The following WSCD2 variants were observed in gnomAD, a reference collection of about 807,000 sequenced individuals.
WSCD2 encodes sialate:O-sulfotransferase 2.
Under a neutral mutation model 55.7 loss-of-function variants are expected in WSCD2, and 28 were observed. The ratio of observed to expected loss-of-function variants is 0.50; its 90% CI spans 0.37 to 0.69. The LOEUF (loss-of-function observed/expected upper bound fraction) is 0.69. Ranked by LOEUF, WSCD2 falls within the 30% of genes least tolerant of loss-of-function variation. The probability of loss-of-function intolerance (pLI) is 0.00; values close to 1 mark genes in which losing one functional copy is unlikely to be tolerated. For synonymous variants in WSCD2, 301 were observed against 301.9 expected (o/e 1.00, Z 0.03); for missense variants, 616 against 762.1 (o/e 0.81, Z 2.26).
chr12:108,165,064 T>C (rs2136950887), intron 1 of WSCD2, among the ~76,000 whole-genome samples: 1 of 152,330 alleles, frequency 6.6e-6, no homozygotes, highest in Non-Finnish European at 1.5e-5. Flanking sequence ...CAGGCTTAAA[T>C]CTGTCTCCCT....
chr12:108,180,335 C>T (rs1431744674), intron 1 of WSCD2, among the ~76,000 whole-genome samples: 2 of 152,192 alleles, frequency 1.3e-5, no homozygotes, highest in Non-Finnish European at 2.9e-5. Flanking sequence ...ATTTGGCTCC[C>T]ACTGATTAGA....
chr12:108,154,706 T>G (rs758575001), intron 1 of WSCD2, among the ~76,000 whole-genome samples: 1 of 152,200 alleles, frequency 6.6e-6, no homozygotes, highest in Non-Finnish European at 1.5e-5. Flanking sequence ...ATCACCTCCA[T>G]TAACATTTCT....
chr12:108,224,200 G>A (rs2137158652), intron 4 of WSCD2, among the ~76,000 whole-genome samples: 1 of 152,234 alleles, frequency 6.6e-6, no homozygotes, highest in East Asian at 1.9e-4. Context: ...CAGCTTGTCG[G>A]TGCCCAATAC....
intron 1 of WSCD2, among the ~76,000 whole-genome samples, chr12:108,172,035 T>G (rs989634848): frequency 1.3e-5 from 2 of 151,990 alleles, no homozygotes; most frequent in African/African-American, 4.8e-5. Flanking sequence ...TTGTTGAGAG[T>G]TAATATATGA....
intron 8 of WSCD2, among the ~76,000 whole-genome samples, chr12:108,243,456 C>G (rs954913303): frequency 1.3e-5 from 2 of 152,180 alleles, no homozygotes; most frequent in Admixed American, 6.5e-5. Context: ...CCAGGATGGT[C>G]TCAATCTGAC....
chr12:108,160,851 C>G (rs1234404880), intron 1 of WSCD2, among the ~76,000 whole-genome samples: 1 of 152,220 alleles, frequency 6.6e-6, no homozygotes, highest in Non-Finnish European at 1.5e-5. Context: ...ACTCAGGAGG[C>G]AGGTGCCTGC....
At chr12:108,233,079 T>C in intron 7 of WSCD2, 184 bp downstream of exon 7, 1 of 717,772 alleles carries the variant, frequency 1.4e-6, no homozygotes, top group East Asian at 2.8e-5. Context: ...CCCACAAACA[T>C]TTCTTAAGTC....
In WSCD2 at chr12:108,195,959, C is replaced by A. The variant is rs759045465; in HGVS notation, c.127C>A (p.Pro43Thr). The change falls in exon 2 of 9, where the codon CCC (proline) becomes ACC (threonine). Residue 43 changes from proline to threonine, a missense_variant. This residue lies in a region of WSCD2 where 374 missense variants were observed against 467.4 expected (regional missense o/e 0.80). Coordinates refer to ENST00000547525, the MANE Select transcript of WSCD2 (RefSeq NM_014653.4). Reference sequence around the variant, plus strand: ...CCTTCACTCTGGCTTTGTGGGCCAGCCCGCTGTCTCGGGGAACCAGGCGAA... The same window carrying A: ...CCTTCACTCTGGCTTTGTGGGCCAGACCGCTGTCTCGGGGAACCAGGCGAA... ...VFLHSGFVGQPAVSGNQANPA... is the reference protein window; with the variant it reads ...VFLHSGFVGQTAVSGNQANPA... The A allele has an allele frequency of 3.7e-6, 6 of 1,614,094 alleles. No individual in the cohort carries two copies. In the East Asian group the frequency reaches 1.1e-4, roughly 30 times the overall value.
rs148609265 is a variant in WSCD2, at chr12:108,155,395, T to C, written c.-552+25469T>C. ...TCTCAGCAGGGAGACAAAATTTTAT[T>C]CAGCCATGTGTGTCTTATTAAGCCT... On this transcript the variant is annotated intron_variant, in intron 1 of 8. Transcript: ENST00000547525. Among the ~76,000 whole-genome samples, 293 of 152,342 alleles carry C rather than the reference T, an allele frequency of 1.9e-3. 1 individual carries two copies. Among genetic ancestry groups the C allele is most frequent in the African/African-American group, 6.4e-3 (267 of 41,574 alleles).
At chr12:108,148,965 G>A (rs963586779) in intron 1 of WSCD2, among the ~76,000 whole-genome samples, 8 of 152,130 alleles carry the variant, frequency 5.3e-5, no homozygotes, top group African/African-American at 1.9e-4. Context: ...TCAAGGTGGG[G>A]GTCAAGGAGA....
chr12:108,186,088 C>G (rs372407062), intron 1 of WSCD2, among the ~76,000 whole-genome samples: 1 of 152,182 alleles, frequency 6.6e-6, no homozygotes, highest in South Asian at 2.1e-4. Flanking sequence ...AATCCCCTGA[C>G]CCTTCCTGCA....
intron 1 of WSCD2, among the ~76,000 whole-genome samples, chr12:108,133,163 GCATTGCACA>G (rs1331312613): frequency 6.6e-6 from 1 of 152,110 alleles, no homozygotes; most frequent in Non-Finnish European, 1.5e-5. Flanking sequence ...CCTCTGTGTA[GCATTGCACA>G]CTTGAGCGTA....
chr12:108,166,761 T>TTTCTCTTTCTTTCTTTCTTTCTTTC (rs10680980), intron 1 of WSCD2, among the ~76,000 whole-genome samples: 2 of 124,820 alleles, frequency 1.6e-5, no homozygotes, highest in African/African-American at 6.1e-5. Context: ...TCTTTCTTTC[T>TTTCTCTTTCTTTCTTTCTTTCTTTC]TTTCTTTCTT....
At chr12:108,133,850 T>C (rs1400808435) in intron 1 of WSCD2, among the ~76,000 whole-genome samples, 1 of 152,238 alleles carries the variant, frequency 6.6e-6, no homozygotes, top group Non-Finnish European at 1.5e-5. Flanking sequence ...AGCACAGGTA[T>C]AATTTTAGGC....
intron 1 of WSCD2, among the ~76,000 whole-genome samples, chr12:108,144,245 A>G (rs1469674609): frequency 6.6e-6 from 1 of 152,096 alleles, no homozygotes; most frequent in Non-Finnish European, 1.5e-5. Context: ...CTCAAAAGAC[A>G]CACCGGCCCA....
chr12:108,130,317 G>C (rs1391496066), intron 1 of WSCD2, among the ~76,000 whole-genome samples: 1 of 152,182 alleles, frequency 6.6e-6, no homozygotes, highest in Non-Finnish European at 1.5e-5. Flanking sequence ...CCAAGGGAGA[G>C]GGAGCTAGTC....
chr12:108,225,391 C>T (rs1276169838), intron 5 of WSCD2, among the ~76,000 whole-genome samples: 1 of 152,176 alleles, frequency 6.6e-6, no homozygotes, highest in Non-Finnish European at 1.5e-5. Context: ...AGTTACCTCC[C>T]ACCAGGTCCT....
Position 108,137,472 on chromosome 12 carries a change from T to C in WSCD2, c.-552+7546T>C, listed in dbSNP as rs555922521. Among the ~76,000 whole-genome samples the C allele has an allele frequency of 2.0e-4, 31 of 152,314 alleles. No homozygotes were observed. The South Asian group carries it at 3.1e-3, about 15-fold the overall frequency. On this transcript the variant is annotated intron_variant, in intron 1 of 8. Transcript: ENST00000547525. ...ACATAGAGGAAGCAAGTGATGAGACTGTAGAATGGTAGAGAGTGCACAGTG... is the reference window on the plus strand; with the variant it reads ...ACATAGAGGAAGCAAGTGATGAGACCGTAGAATGGTAGAGAGTGCACAGTG...
chr12:108,161,527 A>G (rs1879055117), intron 1 of WSCD2, among the ~76,000 whole-genome samples: 1 of 152,194 alleles, frequency 6.6e-6, no homozygotes, highest in Non-Finnish European at 1.5e-5. Context: ...GCAAACCACC[A>G]GAAGCTTCAA....
Sources: allele counts gnomAD v4.1 joint callset (sites outside exome capture counted in the v4.1 genomes callset), GRCh38; gene constraint gnomAD v4.1.1; regional missense constraint gnomAD v4.1.1; transcripts MANE v1.5; gene names NCBI Gene and HGNC (gene_info 2026-07-23, HGNC 2026-07-21).